The following PDE8A variants were observed in gnomAD, a reference collection of about 807,000 sequenced individuals.
The protein encoded by PDE8A is phosphodiesterase 8A.
PDE8A carries 59 observed loss-of-function variants against 105.0 expected under a neutral mutation model. That is an observed-to-expected ratio of 0.56 (90% CI 0.46 to 0.70). PDE8A has a LOEUF of 0.70. PDE8A is among the 30% of genes least tolerant of loss of function. PDE8A has a pLI of 0.00. For missense variants in PDE8A, 1,014 were observed against 1,045.9 expected (o/e 0.97, Z 0.42); for synonymous variants, 355 against 371.9 (o/e 0.95, Z 0.52).
chr15:85,126,054 C>T (rs2082253324), intron 19 of PDE8A, among the ~76,000 whole-genome samples, 153 bp from the exon 20 acceptor site: 1 of 152,142 alleles, frequency 6.6e-6, no homozygotes, highest in South Asian at 2.1e-4. Context: ...AGAGGCCAAG[C>T]TCAATGCTCA....
chr15:85,038,214 GGGGTGTGTGTGTGTGTGTGTGTGT>G (rs1247527442), intron 1 of PDE8A, among the ~76,000 whole-genome samples: 6 of 144,260 alleles, frequency 4.2e-5, no homozygotes, highest in African/African-American at 7.7e-5. Context: ...CTCCAATTGG[GGGGTGTGTGTGTGTGTGTGTGTGT>G]GTGTGTGTGT....
chr15:85,089,195 G>A (rs1167154919), intron 6 of PDE8A, 143 bp from the exon 7 acceptor site: 7 of 592,240 alleles, frequency 1.2e-5, no homozygotes, highest in South Asian at 1.0e-4. Context: ...CTTGCAGGGG[G>A]GTGTTTATTT....
At chr15:85,014,077 G>A (rs1468070141) in intron 1 of PDE8A, among the ~76,000 whole-genome samples, 1 of 152,106 alleles carries the variant, frequency 6.6e-6, no homozygotes, top group Non-Finnish European at 1.5e-5. Flanking sequence ...GATTCAGGGT[G>A]GAGATGATAC....
intron 18 of PDE8A, among the ~76,000 whole-genome samples, chr15:85,122,535 C>G (rs2082197769): frequency 6.6e-6 from 1 of 152,188 alleles, no homozygotes; most frequent in Non-Finnish European, 1.5e-5. Context: ...AGAAAGTTTT[C>G]TACTCAACTG....
intron 8 of PDE8A, among the ~76,000 whole-genome samples, chr15:85,093,779 C>T (rs1256984145): frequency 6.6e-6 from 1 of 152,144 alleles, no homozygotes; most frequent in Non-Finnish European, 1.5e-5. Context: ...TTCCCCAAGA[C>T]TTGTCTATCA....
intron 8 of PDE8A, among the ~76,000 whole-genome samples, chr15:85,096,015 A>C (rs1379558812): frequency 6.6e-6 from 1 of 151,970 alleles, no homozygotes; most frequent in Non-Finnish European, 1.5e-5. Flanking sequence ...AGCTGGGACT[A>C]CAGGCACATG....
At chr15:85,116,271 TC>T (rs2082096260) in intron 16 of PDE8A, 152 bp downstream of exon 16, 7 of 656,332 alleles carry the variant, frequency 1.1e-5, no homozygotes, top group Non-Finnish European at 1.3e-5. Flanking sequence ...TGGCTCTGAG[TC>T]ACCAGGGCCT....
chr15:85,046,022 G>T (rs1043227948), intron 1 of PDE8A, among the ~76,000 whole-genome samples: 19 of 150,266 alleles, frequency 1.3e-4, no homozygotes, highest in African/African-American at 4.4e-4. Flanking sequence ...TTGTTTTGTA[G>T]TTCCTAGGAC....
At chr15:85,089,189 CA>C in intron 6 of PDE8A, 148 bp from the exon 7 acceptor site, 1 of 571,988 alleles carries the variant, frequency 1.7e-6, no homozygotes, top group Non-Finnish European at 3.1e-6. Context: ...GAGGGGCTTG[CA>C]GGGGGGTGTT....
rs142657334 is a variant in PDE8A at position 85,012,760 on chromosome 15, C to T, written c.186+30412C>T. Among the ~76,000 whole-genome samples the T allele has an allele frequency of 9.8e-4, 148 of 151,342 alleles. No homozygotes were observed. In the East Asian group the frequency reaches 0.026, roughly 27 times the overall value. ...TTTAACATACAGTATTGTTAGACTCCGAAAAGTAGATTAGGGCTTTCTTTT... is the reference window on the plus strand; with the variant it reads ...TTTAACATACAGTATTGTTAGACTCTGAAAAGTAGATTAGGGCTTTCTTTT... On this transcript the variant is annotated intron_variant, in intron 1 of 21. Coordinates refer to ENST00000394553, the MANE Select transcript of PDE8A (RefSeq NM_002605.3).
chr15:85,116,281 C>T (rs918192290), intron 16 of PDE8A, 162 bp downstream of exon 16: 6 of 614,984 alleles, frequency 9.8e-6, no homozygotes, highest in Non-Finnish European at 1.7e-5. Context: ...TCACCAGGGC[C>T]TGGGGGAGAG....
At chr15:85,036,069 G>T (rs1371370472) in intron 1 of PDE8A, among the ~76,000 whole-genome samples, 1 of 152,180 alleles carries the variant, frequency 6.6e-6, no homozygotes, top group African/African-American at 2.4e-5. Flanking sequence ...GAACTGGATT[G>T]AAAAACATAT....
intron 1 of PDE8A, among the ~76,000 whole-genome samples, chr15:84,998,879 A>G (rs1029170379): frequency 1.3e-5 from 2 of 152,206 alleles, no homozygotes; most frequent in Admixed American, 6.5e-5. Flanking sequence ...GAACACCTCT[A>G]TGGAGATAAT....
In PDE8A at chr15:85,100,174, T is replaced by G. The variant is rs747478749; in HGVS notation, c.1012T>G (p.Cys338Gly). ...CTTTTAGGCTGAGAAAATATCCGAATGTGTTCAGTCTGACACTCATACAGG... is the reference window on the plus strand; with the variant it reads ...CTTTTAGGCTGAGAAAATATCCGAAGGTGTTCAGTCTGACACTCATACAGG... ...GNNKAEKISE[C>G]VQSDTHTDNQ... Residue 338 changes from cysteine (C) to glycine (G), a missense_variant, in exon 11 of 22, where the codon TGT becomes GGT. Coordinates refer to ENST00000394553, the MANE Select transcript of PDE8A (RefSeq NM_002605.3). The G allele has an allele frequency of 1.5e-5, 24 of 1,613,942 alleles. No individual in the cohort carries two copies. Among genetic ancestry groups the G allele is most frequent in the Non-Finnish European group, 1.9e-5 (23 of 1,179,770 alleles).
intron 11 of PDE8A, among the ~76,000 whole-genome samples, chr15:85,101,676 T>G (rs1462169655): frequency 6.6e-6 from 1 of 152,030 alleles, no homozygotes; most frequent in Non-Finnish European, 1.5e-5. Context: ...GAGAGAAGAA[T>G]ACCAGCATTG....
intron 14 of PDE8A, among the ~76,000 whole-genome samples, chr15:85,115,053 C>T (rs867342245): frequency 4.6e-5 from 7 of 151,936 alleles, no homozygotes; most frequent in African/African-American, 9.7e-5. Context: ...GAGGGTTGCA[C>T]GAAAATGGAG....
chr15:85,110,484 A>G (rs372576146), intron 12 of PDE8A, among the ~76,000 whole-genome samples: 2 of 152,342 alleles, frequency 1.3e-5, no homozygotes, highest in Admixed American at 1.3e-4. Context: ...AGAAGCAACC[A>G]TTGATGGCTA....
At chr15:85,061,399 A>C (rs62019477) in intron 1 of PDE8A, among the ~76,000 whole-genome samples, 1 of 151,210 alleles carries the variant, frequency 6.6e-6, no homozygotes, top group Non-Finnish European at 1.5e-5. Context: ...ACACCCAGCT[A>C]ATTTTTTTTT....
intron 9 of PDE8A, among the ~76,000 whole-genome samples, chr15:85,098,787 C>A (rs946160024): frequency 5.9e-5 from 9 of 151,960 alleles, no homozygotes; most frequent in Non-Finnish European, 1.3e-4. Flanking sequence ...TAGTGAGACC[C>A]CCATCCCTAC....
Sources: gnomAD v4.1 joint callset for allele counts (sites outside exome capture counted in the v4.1 genomes callset) on GRCh38, gnomAD v4.1.1 for gene constraint, MANE v1.5 for transcripts, NCBI Gene and HGNC (gene_info 2026-07-23, HGNC 2026-07-21) for gene names.